The following PID1 variants were observed in gnomAD, a reference collection of about 807,000 sequenced individuals.
PID1 encodes the protein phosphotyrosine interaction domain containing 1, also known as PTB-containing, cubilin and LRP1-interacting protein.
Under a neutral mutation model 19.1 loss-of-function variants are expected in PID1, and 10 were observed. The ratio of observed to expected loss-of-function variants is 0.52; its 90% CI spans 0.32 to 0.89. PID1 has a LOEUF of 0.89. Ranked by LOEUF, PID1 falls within the 40% of genes least tolerant of loss-of-function variation. PID1 has a pLI of 0.03. For missense variants in PID1, 248 were observed against 285.3 expected, an observed-to-expected ratio of 0.87 and a Z score of 0.94; for synonymous variants, 130 against 116.0, an observed-to-expected ratio of 1.12 and a Z score of -0.78.
chr2:229,218,693 G>GC lies in PID1; in HGVS notation c.30+52320dup, dbSNP rs1691901322. Among the ~76,000 whole-genome samples, 3 of 152,266 alleles carry GC rather than the reference G, an allele frequency of 2.0e-5. No individual in the cohort carries two copies. In the South Asian group the frequency reaches 6.2e-4, roughly 32 times the overall value. On this transcript the variant is annotated intron_variant, in intron 1 of 2. Coordinates refer to ENST00000392055, the MANE Select transcript of PID1 (RefSeq NM_001100818.2). ...TCCATATACAGAGTCCAGGTTAGGA[G>GC]CCCTGGGATTTAGGGAAGAAAGAAG...
At chr2:229,256,786 G>A (rs933177480) in intron 1 of PID1, among the ~76,000 whole-genome samples, 3 of 152,176 alleles carry the variant, frequency 2.0e-5, no homozygotes, top group Non-Finnish European at 2.9e-5. Context: ...CCAAAGATGT[G>A]CCGGATACTA....
intron 1 of PID1, among the ~76,000 whole-genome samples, chr2:229,178,009 G>C (rs1690861584): frequency 6.6e-6 from 1 of 152,060 alleles, no homozygotes; most frequent in African/African-American, 2.4e-5. Context: ...CCTCTTTCCA[G>C]AGTGTCTGTC....
intron 1 of PID1, among the ~76,000 whole-genome samples, chr2:229,214,758 G>T (rs932202560): frequency 3.3e-5 from 5 of 151,854 alleles, no homozygotes; most frequent in Admixed American, 6.6e-5. Context: ...TTGTTGATTT[G>T]TTTTATTTTG....
At chr2:229,045,018 A>G (rs1361247895) in intron 2 of PID1, among the ~76,000 whole-genome samples, 1 of 152,044 alleles carries the variant, frequency 6.6e-6, no homozygotes, top group African/African-American at 2.4e-5. Flanking sequence ...CAATGGTACA[A>G]TCTCCGTTCA....
intron 1 of PID1, among the ~76,000 whole-genome samples, chr2:229,160,736 C>T (rs183443042): frequency 7.9e-5 from 12 of 152,204 alleles, no homozygotes; most frequent in East Asian, 3.9e-4. Context: ...TCCTTTAAAA[C>T]GGGTACCTTC....
intron 2 of PID1, among the ~76,000 whole-genome samples, chr2:229,123,694 T>C (rs932973430): frequency 2.6e-5 from 4 of 152,338 alleles, no homozygotes; most frequent in South Asian, 4.1e-4. Context: ...TGTTATTATC[T>C]GTCTTTTTCA....
intron 1 of PID1, among the ~76,000 whole-genome samples, chr2:229,222,067 C>T (rs1691982028): frequency 1.3e-5 from 2 of 152,204 alleles, no homozygotes; most frequent in East Asian, 3.9e-4. Context: ...GTCAGAATTC[C>T]CCAAATATAA....
At chr2:229,147,900 G>A (rs1019183824) in intron 2 of PID1, among the ~76,000 whole-genome samples, 7 of 152,140 alleles carry the variant, frequency 4.6e-5, no homozygotes, top group Non-Finnish European at 8.8e-5. Context: ...CACAGTGTAT[G>A]GGGCACATGG....
intron 1 of PID1, among the ~76,000 whole-genome samples, chr2:229,234,554 T>C (rs1257491207): frequency 6.6e-6 from 1 of 152,194 alleles, no homozygotes; most frequent in Non-Finnish European, 1.5e-5. Flanking sequence ...CCCAGTAAGA[T>C]CCATTTGGGG....
intron 1 of PID1, among the ~76,000 whole-genome samples, chr2:229,159,825 G>T (rs577628236): frequency 6.6e-6 from 1 of 152,230 alleles, no homozygotes; most frequent in East Asian, 1.9e-4. Context: ...CAGAAACTTC[G>T]TAATCTGGAA....
intron 1 of PID1, 102 bp downstream of exon 1, chr2:229,270,912 G>A: frequency 2.8e-6 from 3 of 1,080,136 alleles, no homozygotes; most frequent in South Asian, 1.7e-5. Flanking sequence ...TTACAAGATG[G>A]TTTTGGGCAA....
chr2:229,085,840 G>T (rs1694753758), intron 2 of PID1, among the ~76,000 whole-genome samples: 1 of 152,040 alleles, frequency 6.6e-6, no homozygotes, highest in Admixed American at 6.6e-5. Context: ...AGACAAACTT[G>T]AAACTGCTGG....
At chr2:229,046,619 T>C (rs2106179823) in intron 2 of PID1, among the ~76,000 whole-genome samples, 2 of 151,984 alleles carry the variant, frequency 1.3e-5, no homozygotes, top group Middle Eastern at 6.8e-3. Flanking sequence ...AATGAAAAAC[T>C]ATCCCTAAAT....
At chr2:229,063,338 T>C (rs1012922562) in intron 2 of PID1, among the ~76,000 whole-genome samples, 6 of 152,096 alleles carry the variant, frequency 3.9e-5, no homozygotes, top group African/African-American at 1.2e-4. Flanking sequence ...TTCATTTGTC[T>C]CAAGATGTTT....
chr2:229,069,141 TTTTGTGTGTGTGTGTG>T (rs1277431495), intron 2 of PID1, among the ~76,000 whole-genome samples: 2 of 128,714 alleles, frequency 1.6e-5, no homozygotes, highest in African/African-American at 2.9e-5. Flanking sequence ...CGAGAAGGGT[TTTTGTGTGTGTGTGTG>T]TGTGTGTGTG....
chr2:229,219,819 C>T (rs934685264), intron 1 of PID1, among the ~76,000 whole-genome samples: 6 of 150,804 alleles, frequency 4.0e-5, no homozygotes. Context: ...CTGTGCCTGG[C>T]CAAGCCCCTT....
intron 2 of PID1, among the ~76,000 whole-genome samples, chr2:229,048,282 C>A (rs899219814): frequency 2.6e-5 from 4 of 152,092 alleles, no homozygotes; most frequent in Non-Finnish European, 4.4e-5. Flanking sequence ...TACTACCTAC[C>A]AAGCTTGATC....
chr2:229,207,389 A>G (rs1393907398), intron 1 of PID1, among the ~76,000 whole-genome samples: 1 of 151,864 alleles, frequency 6.6e-6, no homozygotes, highest in African/African-American at 2.4e-5. Context: ...ACCACACAGT[A>G]TTAGCACAGG....
chr2:229,183,308 A>G (rs4973174), intron 1 of PID1, among the ~76,000 whole-genome samples: 135,719 of 152,272 alleles, frequency 0.89, 60,625 homozygotes, highest in African/African-American at 0.94. Flanking sequence ...ACACCTGGAT[A>G]TGGGACTTCC....
Sources: gnomAD v4.1 joint callset for allele counts (sites outside exome capture counted in the v4.1 genomes callset) on GRCh38, gnomAD v4.1.1 for gene constraint, MANE v1.5 for transcripts, NCBI Gene and HGNC (gene_info 2026-07-23, HGNC 2026-07-21) for gene names.